Variants in NVL observed in about 807,000 individuals in gnomAD.
NVL encodes the protein nuclear valosin-containing protein-like.
A neutral mutation model predicts 110.2 loss-of-function variants in NVL; 84 were observed. The observed-to-expected ratio is 0.76, with a 90% CI of 0.64 to 0.91. The LOEUF is 0.91. Among genes scored for constraint, NVL ranks in the 40% least tolerant of loss-of-function variants. The pLI is 0.00. For missense variants in NVL, 882 were observed against 1,035.9 expected, an observed-to-expected ratio of 0.85 and a Z score of 2.04; for synonymous variants, 354 against 361.1, an observed-to-expected ratio of 0.98 and a Z score of 0.22.
chr1:224,236,628 A>C (rs765826794), intron 19 of NVL, 46 bp from the exon 20 acceptor site: 1 of 1,498,728 alleles, frequency 6.7e-7, no homozygotes, highest in African/African-American at 1.4e-5. Context: ...TTTAAAGACC[A>C]TGCCGGGTGC....
intron 2 of NVL, among the ~76,000 whole-genome samples, chr1:224,319,393 C>T (rs181539630): frequency 6.6e-5 from 10 of 151,640 alleles, no homozygotes; most frequent in East Asian, 3.9e-4. Flanking sequence ...CTGCAGACTC[C>T]GCTTCCGGGG....
intron 19 of NVL, among the ~76,000 whole-genome samples, chr1:224,241,438 A>T (rs1001991378): frequency 1.3e-5 from 2 of 152,170 alleles, no homozygotes; most frequent in African/African-American, 4.8e-5. Flanking sequence ...TTATGACATT[A>T]TCTCTATTAC....
At chr1:224,264,556 A>G (rs1298686821) in intron 18 of NVL, among the ~76,000 whole-genome samples, 4 of 152,170 alleles carry the variant, frequency 2.6e-5, no homozygotes, top group Non-Finnish European at 4.4e-5. Flanking sequence ...TGGTGATTTT[A>G]AAGCACTAAG....
intron 4 of NVL, among the ~76,000 whole-genome samples, chr1:224,315,141 C>T (rs1279266317): frequency 6.6e-6 from 1 of 151,500 alleles, no homozygotes; most frequent in Non-Finnish European, 1.5e-5. Flanking sequence ...TTGTAACCTT[C>T]AACTCTGGGG....
At chr1:224,329,955 G>A (rs907572603) in intron 1 of NVL, 116 bp downstream of exon 1, 1 of 1,025,502 alleles carries the variant, frequency 9.8e-7, no homozygotes, top group African/African-American at 1.6e-5. Flanking sequence ...CCCAGACCCA[G>A]ACTGGGGAAA....
At chr1:224,231,340 G>A (rs1209885722) in intron 21 of NVL, 44 bp from the exon 22 acceptor site, 2 of 1,493,622 alleles carry the variant, frequency 1.3e-6, no homozygotes, top group South Asian at 2.3e-5. Flanking sequence ...GTATCGTATG[G>A]TAACTGACTT....
intron 2 of NVL, among the ~76,000 whole-genome samples, chr1:224,324,135 A>G (rs1670918095): frequency 6.6e-6 from 1 of 152,226 alleles, no homozygotes; most frequent in African/African-American, 2.4e-5. Flanking sequence ...ACAAACCTAT[A>G]CAGCACATTA....
intron 18 of NVL, among the ~76,000 whole-genome samples, chr1:224,267,557 A>G (rs1664613983): frequency 6.6e-6 from 1 of 151,890 alleles, no homozygotes; most frequent in Non-Finnish European, 1.5e-5. Context: ...GCATGGTGGC[A>G]GCACCTGTAA....
rs1170092145 is a variant in NVL, at chr1:224,287,811, C to A, written c.1758G>T (p.Leu586=). Reference sequence around the variant, plus strand: ...TGGTGAGCTCCTCTCTAATGTCTTCCAGGGCACCAATATCTGCCCATGTCA... The same window carrying A: ...TGGTGAGCTCCTCTCTAATGTCTTCAAGGGCACCAATATCTGCCCATGTCA... ...PNVTWADIGA[L]EDIREELTMA... is the part of the protein sequence containing the mutation. The change falls in exon 14 of 23, where the codon CTG becomes CTT. Residue 586 remains leucine, a synonymous_variant. Coordinates refer to ENST00000281701, the MANE Select transcript of NVL (RefSeq NM_002533.4). The A allele has an allele frequency of 1.9e-6, 3 of 1,613,962 alleles. No homozygotes were observed. The African/African-American group carries it at 4.0e-5, about 22-fold the overall frequency.
intron 22 of NVL, among the ~76,000 whole-genome samples, chr1:224,230,819 G>A (rs979021646): frequency 2.6e-5 from 4 of 151,980 alleles, no homozygotes. Flanking sequence ...AGTAGAAGTA[G>A]TATACAAAAC....
rs958523399 is a variant in NVL, at chr1:224,275,457, T to A, written c.1964A>T (p.Tyr655Phe). ...CACAGCACGTTCACTCTCACCAACA[T>A]ACTAAACATACACAGAAAGGAAATA... The part of the protein sequence containing the change: ...SVKGPELLNM[Y>F]VGESERAVRQ... The change falls in exon 17 of 23, where the codon TAT becomes TTT. Residue 655 changes from tyrosine to phenylalanine, a missense_variant and splice_region_variant. Around this residue, in one of 4 missense-constraint regions of NVL, gnomAD observed 66 missense variants for 127.5 expected, o/e 0.52. Coordinates refer to ENST00000281701, the MANE Select transcript of NVL (RefSeq NM_002533.4). 6.2e-7 allele frequency: 1 copy of A among 1,614,102 alleles called. No homozygotes were observed. The highest frequency in any genetic ancestry group is 1.3e-5 in the African/African-American group (1 of 75,028).
In NVL at chr1:224,294,299, G is replaced by A; in HGVS notation, c.1293C>T (p.Cys431=). Residue 431 remains cysteine (C), a synonymous_variant, in exon 12 of 23, where the codon TGC becomes TGT. Coordinates refer to ENST00000281701, the MANE Select transcript of NVL (RefSeq NM_002533.4). ...RRAGRFDREI[C]LGIPDEASRE... is the part of the protein sequence containing the mutation. ...TGGATGCTTCATCTGGGATACCTAG[G>A]CATATTTCTCGGTCGAACCTTCCCG... 8 of 1,614,030 alleles carry A rather than the reference G, an allele frequency of 5.0e-6. No individual in the cohort carries two copies. Among genetic ancestry groups the A allele is most frequent in the Non-Finnish European group, 6.8e-6 (8 of 1,180,006 alleles).
In NVL at chr1:224,317,735, T is replaced by C. The variant is rs1558357426; in HGVS notation, c.243A>G (p.Glu81=). 2.5e-6 allele frequency: 4 copies of C among 1,609,924 alleles called. No homozygotes were observed. Among genetic ancestry groups the C allele is most frequent in the Non-Finnish European group, 3.4e-6 (4 of 1,176,522 alleles). ...CTTGTCTTGCCCTTTTTGCCAAATG[T>C]TCATCTTCTAATTCTGTTAAATTCT... ...ELKNLTELED[E]HLAKRARQGE... is the part of the protein sequence containing the mutation. Residue 81 remains glutamate (E), a synonymous_variant, in exon 4 of 23, where the codon GAA becomes GAG. Coordinates refer to ENST00000281701, the MANE Select transcript of NVL (RefSeq NM_002533.4).
chr1:224,324,571 G>T (rs1558368933), intron 2 of NVL, among the ~76,000 whole-genome samples: 1 of 152,192 alleles, frequency 6.6e-6, no homozygotes. Context: ...AAGGACTACA[G>T]GTTCAGGCCA....
At chr1:224,310,373 A>G (rs894513038) in intron 5 of NVL, among the ~76,000 whole-genome samples, 1 of 152,064 alleles carries the variant, frequency 6.6e-6, no homozygotes, top group African/African-American at 2.4e-5. Flanking sequence ...TCTGGGGCCA[A>G]TCCCCCATGG....
intron 12 of NVL, among the ~76,000 whole-genome samples, chr1:224,290,451 G>A (rs1231072003): frequency 6.6e-6 from 1 of 152,066 alleles, no homozygotes; most frequent in African/African-American, 2.4e-5. Context: ...GAGGTCAAGA[G>A]TTTGAGATTA....
At position 224,289,690 on chromosome 1, in the gene NVL, A is replaced by C; in HGVS notation, c.1369T>G (p.Phe457Val). ...AGGTGTGCTAAGTGACAGAAATCAA[A>C]AGCTTGAGGAAGCCTCAGTTTTCTG... The part of the protein sequence containing the change: ...LCRKLRLPQA[F>V]DFCHLAHLTP... The change falls in exon 13 of 23, where the codon TTT becomes GTT. Residue 457 changes from phenylalanine (F) to valine (V), a missense_variant. Coordinates refer to ENST00000281701, the MANE Select transcript of NVL (RefSeq NM_002533.4). The C allele has an allele frequency of 6.2e-7, 1 of 1,614,222 alleles. No homozygotes were observed. The highest frequency in any genetic ancestry group is 1.1e-5 in the South Asian group (1 of 91,084).
chr1:224,253,993 A>G (rs971017074), intron 18 of NVL, among the ~76,000 whole-genome samples: 2 of 152,232 alleles, frequency 1.3e-5, no homozygotes, highest in Non-Finnish European at 2.9e-5. Context: ...TCCTATGGTG[A>G]AGTAACTGTA....
chr1:224,292,284 C>G lies in NVL; in HGVS notation c.1325+1983G>C, dbSNP rs139867444. On this transcript the variant is annotated intron_variant, in intron 12 of 22. Coordinates refer to ENST00000281701, the MANE Select transcript of NVL (RefSeq NM_002533.4). ...AAAAGAGACAGCTATCAATAGCTAC[C>G]TTATTTAAAAAATTCTCTATGTCAG... Among the ~76,000 whole-genome samples the G allele has an allele frequency of 7.0e-3, 1,058 of 152,152 alleles. 29 individuals carry two copies. Among genetic ancestry groups the G allele is most frequent in the Admixed American group, 0.041 (632 of 15,274 alleles).
Sources: allele counts gnomAD v4.1 joint callset (sites outside exome capture counted in the v4.1 genomes callset), GRCh38; gene constraint gnomAD v4.1.1; regional missense constraint gnomAD v4.1.1; transcripts MANE v1.5; gene names NCBI Gene and HGNC (gene_info 2026-07-23, HGNC 2026-07-21).